The following PRICKLE1 variants were observed in gnomAD, a reference collection of about 807,000 sequenced individuals.
PRICKLE1 encodes the protein prickle-like protein 1.
PRICKLE1 carries 14 observed loss-of-function variants against 70.2 expected under a neutral mutation model. The observed-to-expected ratio is 0.20, with a 90% CI of 0.13 to 0.31. The LOEUF (loss-of-function observed/expected upper bound fraction) is 0.31, where lower values mean the gene tolerates loss of function less well. Ranked by LOEUF, PRICKLE1 falls within the 10% of genes least tolerant of loss-of-function variation. The pLI is 1.00. For missense variants in PRICKLE1, 821 were observed against 1,026.2 expected (o/e 0.80, Z 2.73); for synonymous variants, 357 against 379.9 (o/e 0.94, Z 0.70).
At chr12:42,585,216 C>T (rs1220672070) in intron 1 of PRICKLE1, among the ~76,000 whole-genome samples, 1 of 152,144 alleles carries the variant, frequency 6.6e-6, no homozygotes, top group Non-Finnish European at 1.5e-5. Flanking sequence ...TAGCTGCTTG[C>T]TAGTTTGCAG....
chr12:42,523,167 CTG>C (rs1316320251), intron 1 of PRICKLE1, among the ~76,000 whole-genome samples: 1 of 152,114 alleles, frequency 6.6e-6, no homozygotes, highest in African/African-American at 2.4e-5. Context: ...CGGGGTTTCA[CTG>C]TGTTAGCCAG....
intron 1 of PRICKLE1, among the ~76,000 whole-genome samples, chr12:42,494,890 CTT>C (rs751252071): frequency 9.2e-5 from 12 of 130,990 alleles, no homozygotes; most frequent in East Asian, 2.3e-4. Context: ...TTCAGGTTTA[CTT>C]TTTTTTTTTT....
At chr12:42,554,459 T>C (rs1940380819) in intron 1 of PRICKLE1, among the ~76,000 whole-genome samples, 1 of 152,120 alleles carries the variant, frequency 6.6e-6, no homozygotes, top group East Asian at 1.9e-4. Flanking sequence ...CCAAGAAAAC[T>C]ATGGCCATTG....
intron 1 of PRICKLE1, chr12:42,489,612 T>C (rs953592074): frequency 3.6e-5 from 5 of 138,814 alleles, no homozygotes; most frequent in East Asian, 2.1e-4. Flanking sequence ...GTGAGCCAGA[T>C]TGAGCCATTG....
intron 1 of PRICKLE1, among the ~76,000 whole-genome samples, chr12:42,583,936 C>A (rs760148929): frequency 5.9e-5 from 9 of 152,098 alleles, no homozygotes; most frequent in Non-Finnish European, 1.2e-4. Flanking sequence ...AGTTCTATTA[C>A]CTGTCCATTT....
At chr12:42,496,289 A>G (rs12315374) in intron 1 of PRICKLE1, among the ~76,000 whole-genome samples, 8,125 of 152,332 alleles carry the variant, frequency 0.053, 625 homozygotes, top group African/African-American at 0.17. Context: ...AGTAGTTCTC[A>G]ACATTCAGCT....
chr12:42,566,809 T>G (rs1444106738), intron 1 of PRICKLE1, among the ~76,000 whole-genome samples: 1 of 152,132 alleles, frequency 6.6e-6, no homozygotes, highest in East Asian at 1.9e-4. Flanking sequence ...GTCATCAGGG[T>G]CTGGTGTCCT....
chr12:42,506,241 G>GTTTTTTTTTTTTTTT (rs774029085), intron 1 of PRICKLE1, among the ~76,000 whole-genome samples: 2 of 122,098 alleles, frequency 1.6e-5, no homozygotes, highest in African/African-American at 3.6e-5. Context: ...AGTAAAAAAT[G>GTTTTTTTTTTTTTTT]TTCTTTTTTC....
chr12:42,465,113 A>G lies in PRICKLE1; in HGVS notation c.921T>C (p.Ser307=), dbSNP rs1369762102. ...CAGAGGCATGGACGTCTTCACCAAG[A>G]CTGCACGTTTTTGAGCAGTAAATCT... The part of the protein sequence containing the change: ...QGQIYCSKTC[S]LGEDVHASDS... The change falls in exon 7 of 8, where the codon AGT becomes AGC. Residue 307 remains serine (S), a synonymous_variant. Transcript: ENST00000345127. 7 of 1,570,828 alleles carry G rather than the reference A, an allele frequency of 4.5e-6. No individual in the cohort carries two copies. The South Asian group carries it at 6.1e-5, about 14-fold the overall frequency.
chr12:42,492,507 GGAA>G (rs1422073907), intron 1 of PRICKLE1, among the ~76,000 whole-genome samples: 1 of 152,122 alleles, frequency 6.6e-6, no homozygotes, highest in African/African-American at 2.4e-5. Context: ...GAAGCCTCCT[GGAA>G]GAAGAAAACA....
At chr12:42,544,073 AAG>A (rs1450464232) in intron 1 of PRICKLE1, among the ~76,000 whole-genome samples, 2 of 143,258 alleles carry the variant, frequency 1.4e-5, no homozygotes, top group East Asian at 4.2e-4. Flanking sequence ...GGAAGAGAAG[AAG>A]GGGCTGGCCT....
intron 1 of PRICKLE1, among the ~76,000 whole-genome samples, chr12:42,569,882 A>C (rs947508885): frequency 1.3e-5 from 2 of 152,246 alleles, no homozygotes; most frequent in Non-Finnish European, 2.9e-5. Flanking sequence ...GTCATCAGCT[A>C]AACAGCACAG....
At chr12:42,521,142 C>T (rs949514938) in intron 1 of PRICKLE1, among the ~76,000 whole-genome samples, 3 of 151,902 alleles carry the variant, frequency 2.0e-5, no homozygotes, top group African/African-American at 7.3e-5. Flanking sequence ...CTGCACTGCA[C>T]TCCAGCCTGG....
In PRICKLE1 at chr12:42,583,696, T is replaced by G. The variant is rs1940941459; in HGVS notation, c.-49+5769A>C. On this transcript the variant is annotated intron_variant, in intron 1 of 7. Coordinates refer to ENST00000345127, the MANE Select transcript of PRICKLE1 (RefSeq NM_153026.3). ...GGGTTATACAGTAATATTTATTACA[T>G]GATGGAAGATTTCCAAAGATGCCAG... 2.6e-5 allele frequency among the ~76,000 whole-genome samples: 4 copies of G among 152,348 alleles called. No homozygotes were observed. In the South Asian group the frequency reaches 8.3e-4, roughly 32 times the overall value.
At chr12:42,465,786 C>T (rs11832772) in intron 6 of PRICKLE1, 140,809 of 318,416 alleles carry the variant, frequency 0.44, 31,613 homozygotes, top group Admixed American at 0.47. Context: ...AGTACGGTAC[C>T]ACTGGCTGTG....
At chr12:42,469,865 T>G in intron 3 of PRICKLE1, 1 of 526,400 alleles carries the variant, frequency 1.9e-6, no homozygotes, top group Non-Finnish European at 3.4e-6. Flanking sequence ...CATTAACCTT[T>G]CCACAAAAGG....
At chr12:42,516,091 C>T (rs1432224870) in intron 1 of PRICKLE1, among the ~76,000 whole-genome samples, 5 of 151,974 alleles carry the variant, frequency 3.3e-5, no homozygotes, top group African/African-American at 9.7e-5. Context: ...ATTTCCTATA[C>T]TGTAGCTTCC....
rs367941464 is a variant in PRICKLE1 at position 42,464,826 on chromosome 12, T to C, written c.1208A>G (p.Glu403Gly). ...WKGRVEQETP[E>G]DPEEWADHED... is the part of the protein sequence containing the mutation. ...ATGATCAGCCCATTCTTCAGGGTCTTCTGGAGTTTCCTGCTCTACTCTGCC... is the reference window on the plus strand; with the variant it reads ...ATGATCAGCCCATTCTTCAGGGTCTCCTGGAGTTTCCTGCTCTACTCTGCC... The change falls in exon 7 of 8, where the codon GAA (glutamate) becomes GGA (glycine). Residue 403 changes from glutamate to glycine, a missense_variant. Coordinates refer to ENST00000345127, the MANE Select transcript of PRICKLE1 (RefSeq NM_153026.3). The surrounding 1 kb of genome is among the most constrained non-coding windows in gnomAD (Gnocchi z 4.2). The C allele has an allele frequency of 1.9e-6, 3 of 1,614,128 alleles. No homozygotes were observed. The highest frequency in any genetic ancestry group is 2.2e-5 in the South Asian group (2 of 91,070).
chr12:42,502,927 A>C lies in PRICKLE1; in HGVS notation c.-48-30363T>G, dbSNP rs560493768. Among the ~76,000 whole-genome samples, 3 of 152,340 alleles carry C rather than the reference A, an allele frequency of 2.0e-5. No individual in the cohort carries two copies. In the East Asian group the frequency reaches 5.8e-4, roughly 29 times the overall value. On this transcript the variant is annotated intron_variant, in intron 1 of 7. Coordinates refer to ENST00000345127, the MANE Select transcript of PRICKLE1 (RefSeq NM_153026.3). Reference sequence around the variant, plus strand: ...AAGAAGAGTATGCAAACTTGCAGTTAAGCTGAAATTAAAGATGTTTTAAAG... The same window carrying C: ...AAGAAGAGTATGCAAACTTGCAGTTCAGCTGAAATTAAAGATGTTTTAAAG...
Sources: allele counts gnomAD v4.1 joint callset (sites outside exome capture counted in the v4.1 genomes callset), GRCh38; gene constraint gnomAD v4.1.1; non-coding constraint Gnocchi (gnomAD v3.1); transcripts MANE v1.5; gene names NCBI Gene and HGNC (gene_info 2026-07-23, HGNC 2026-07-21).